Variants in NDUFV2 observed in about 807,000 individuals in gnomAD.
NDUFV2 encodes the protein NADH dehydrogenase [ubiquinone] flavoprotein 2, mitochondrial.
A neutral mutation model predicts 31.6 loss-of-function variants in NDUFV2; 18 were observed. The observed-to-expected ratio is 0.57, with a 90% CI of 0.39 to 0.84. The LOEUF (loss-of-function observed/expected upper bound fraction) is 0.84, where lower values mean the gene tolerates loss of function less well. NDUFV2 is among the 40% of genes least tolerant of loss of function. The pLI, the probability that NDUFV2 is intolerant of heterozygous loss-of-function variation, is 0.00. For missense variants in NDUFV2, 314 were observed against 303.6 expected (o/e 1.03, Z -0.26); for synonymous variants, 83 against 99.8 (o/e 0.83, Z 1.01).
chr18:9,120,142 T>A (rs931423676), intron 4 of NDUFV2, among the ~76,000 whole-genome samples: 6 of 152,172 alleles, frequency 3.9e-5, no homozygotes, highest in African/African-American at 1.4e-4. Flanking sequence ...CCTAATAGTT[T>A]TGAGCAGTAA....
chr18:9,129,796 A>G (rs1038001905), intron 7 of NDUFV2, among the ~76,000 whole-genome samples: 5 of 152,346 alleles, frequency 3.3e-5, no homozygotes, highest in Middle Eastern at 3.4e-3. Flanking sequence ...AAGGGCCCAG[A>G]TAAGTAATCT....
intron 1 of NDUFV2, among the ~76,000 whole-genome samples, chr18:9,111,589 CA>C (rs1215516025): frequency 6.6e-6 from 1 of 151,810 alleles, no homozygotes; most frequent in Non-Finnish European, 1.5e-5. Context: ...CCACCACGCC[CA>C]GCTAATTTTT....
intron 5 of NDUFV2, among the ~76,000 whole-genome samples, 162 bp from the exon 6 acceptor site, chr18:9,124,712 T>G (rs1032977962): frequency 6.6e-6 from 1 of 152,048 alleles, no homozygotes; most frequent in African/African-American, 2.4e-5. Flanking sequence ...CCTCCCAAAG[T>G]GCTGGGATTA....
chr18:9,125,896 T>C (rs2077986078), intron 6 of NDUFV2, among the ~76,000 whole-genome samples: 2 of 152,170 alleles, frequency 1.3e-5, no homozygotes, highest in Non-Finnish European at 2.9e-5. Context: ...GAGGGACAGT[T>C]TACTCTTATA....
At position 9,104,329 on chromosome 18, in the gene NDUFV2, A is replaced by G. The variant is rs935569143; in HGVS notation, c.54+1532A>G. ...TTGATTTTAGAGGCCGTCAGGAGTC[A>G]GTGAAAGGTTTTAAAGTAGAGGAAT... On this transcript the variant is annotated intron_variant, in intron 1 of 7. Transcript: ENST00000318388. 8 of 1,581,850 alleles carry G rather than the reference A, an allele frequency of 5.1e-6. No individual in the cohort carries two copies. The Admixed American group carries it at 1.4e-4, about 28-fold the overall frequency.
At chr18:9,130,716 A>G (rs988502580) in intron 7 of NDUFV2, among the ~76,000 whole-genome samples, 38 of 152,214 alleles carry the variant, frequency 2.5e-4, no homozygotes, top group African/African-American at 9.2e-4. Flanking sequence ...TTAATAATAA[A>G]TATCTCTGCT....
At chr18:9,130,274 C>T (rs963650038) in intron 7 of NDUFV2, among the ~76,000 whole-genome samples, 11 of 152,046 alleles carry the variant, frequency 7.2e-5, no homozygotes, top group Non-Finnish European at 1.3e-4. Context: ...TAACAATAAG[C>T]AGGAACTAAG....
intron 1 of NDUFV2, chr18:9,103,760 C>T: frequency 1.2e-5 from 2 of 160,444 alleles, no homozygotes; most frequent in South Asian, 1.9e-4. Context: ...GGGAATATTC[C>T]TTTTTGCAGA....
intron 7 of NDUFV2, chr18:9,133,620 C>T (rs1449308539): frequency 6.5e-6 from 1 of 153,232 alleles, no homozygotes; most frequent in Admixed American, 6.5e-5. Flanking sequence ...TGTCCCAAAT[C>T]ATATTTCCTC....
intron 4 of NDUFV2, 69 bp from the exon 5 acceptor site, chr18:9,122,444 G>T: frequency 7.4e-7 from 1 of 1,354,670 alleles, no homozygotes; most frequent in Non-Finnish European, 1.1e-6. Context: ...ATTATACTTT[G>T]TACAACATAA....
chr18:9,116,162 G>C (rs1294506096), intron 1 of NDUFV2, among the ~76,000 whole-genome samples: 1 of 152,164 alleles, frequency 6.6e-6, no homozygotes, highest in East Asian at 1.9e-4. Context: ...ATGTGTGTAA[G>C]ATTTAAGACT....
intron 7 of NDUFV2, among the ~76,000 whole-genome samples, chr18:9,131,675 G>C (rs1233598995): frequency 6.6e-6 from 1 of 152,170 alleles, no homozygotes; most frequent in African/African-American, 2.4e-5. Flanking sequence ...AGTACTTTAA[G>C]CCATGAAAGT....
intron 5 of NDUFV2, among the ~76,000 whole-genome samples, chr18:9,124,181 G>C (rs950767751): frequency 6.7e-6 from 1 of 149,066 alleles, no homozygotes; most frequent in Non-Finnish European, 1.5e-5. Flanking sequence ...AAATTACATA[G>C]AGTTTTTTTT....
At position 9,102,726 on chromosome 18, in the gene NDUFV2, T is replaced by C. The variant is rs2077819879; in HGVS notation, c.-18T>C. ...TCTCGCCTGGCGCGGCTGGGGAAGGTGAACAGTGTGGCCCGCCATGTTCTT... is the reference window on the plus strand; with the variant it reads ...TCTCGCCTGGCGCGGCTGGGGAAGGCGAACAGTGTGGCCCGCCATGTTCTT... On this transcript the variant is annotated 5_prime_UTR_variant, in exon 1 of 8. Coordinates refer to ENST00000318388, the MANE Select transcript of NDUFV2 (RefSeq NM_021074.5). 3.8e-6 allele frequency: 6 copies of C among 1,579,844 alleles called. No individual in the cohort carries two copies. The highest frequency in any genetic ancestry group is 5.1e-6 in the Non-Finnish European group (6 of 1,165,864).
At chr18:9,123,373 G>A (rs527347029) in intron 5 of NDUFV2, among the ~76,000 whole-genome samples, 7 of 151,902 alleles carry the variant, frequency 4.6e-5, no homozygotes, top group Admixed American at 4.6e-4. Context: ...TATATTAGTT[G>A]TAGATTTTAT....
At chr18:9,132,297 AAC>A (rs1363962950) in intron 7 of NDUFV2, 1 of 152,182 alleles carries the variant, frequency 6.6e-6, no homozygotes, top group Non-Finnish European at 1.5e-5. Context: ...TATGTTGATA[AAC>A]AGTGTCGATA....
chr18:9,115,306 A>T (rs75908285), intron 1 of NDUFV2, among the ~76,000 whole-genome samples: 1,972 of 152,224 alleles, frequency 0.013, 50 homozygotes, highest in African/African-American at 0.046. Flanking sequence ...ATGATAATTT[A>T]TGCATTTTTG....
intron 6 of NDUFV2, among the ~76,000 whole-genome samples, chr18:9,126,186 C>A (rs1323246858): frequency 6.6e-6 from 1 of 152,176 alleles, no homozygotes; most frequent in Non-Finnish European, 1.5e-5. Context: ...GATAGGTATT[C>A]TTTCAGTTAG....
intron 7 of NDUFV2, 118 bp from the exon 8 acceptor site, chr18:9,134,068 G>T: frequency 1.4e-6 from 1 of 695,956 alleles, no homozygotes. Flanking sequence ...AATAATCTAT[G>T]CTAGTTCTTA....
Sources: allele counts gnomAD v4.1 joint callset (sites outside exome capture counted in the v4.1 genomes callset), GRCh38; gene constraint gnomAD v4.1.1; transcripts MANE v1.5; gene names NCBI Gene and HGNC (gene_info 2026-07-23, HGNC 2026-07-21).